TRPM3: variants seen among roughly 807,000 people sequenced by gnomAD.
The protein encoded by TRPM3 is long transient receptor potential channel 3.
TRPM3 carries 77 observed loss-of-function variants against 181.2 expected under a neutral mutation model. The observed-to-expected ratio is 0.42, with a 90% confidence interval of 0.35 to 0.51. The LOEUF is 0.51. Among genes scored for constraint, TRPM3 ranks in the 20% least tolerant of loss-of-function variants. The pLI is 0.01. For missense variants in TRPM3, 1,759 were observed against 2,196.7 expected, an observed-to-expected ratio of 0.80 and a Z score of 3.98; for synonymous variants, 745 against 796.4, an observed-to-expected ratio of 0.94 and a Z score of 1.09.
At chr9:71,200,172 G>C (rs1261704478) in intron 1 of TRPM3, among the ~76,000 whole-genome samples, 2 of 152,072 alleles carry the variant, frequency 1.3e-5, no homozygotes, top group East Asian at 3.8e-4. Context: ...TTTCCATGTA[G>C]TTGAGTGGTT....
At chr9:70,647,155 A>T (rs2133717669) in intron 9 of TRPM3, among the ~76,000 whole-genome samples, 1 of 152,286 alleles carries the variant, frequency 6.6e-6, no homozygotes, top group South Asian at 2.1e-4. Context: ...ATATTCCAAA[A>T]ATTGAAGAGG....
intron 22 of TRPM3, among the ~76,000 whole-genome samples, chr9:70,554,365 C>T (rs912294252): frequency 2.0e-5 from 3 of 152,098 alleles, no homozygotes; most frequent in Non-Finnish European, 2.9e-5. Context: ...GGAGGAGCAC[C>T]AAGAGGTCTC....
chr9:70,821,002 A>G (rs558320208), intron 6 of TRPM3, among the ~76,000 whole-genome samples: 13 of 152,314 alleles, frequency 8.5e-5, no homozygotes, highest in South Asian at 4.1e-4. Context: ...GCAATGTAAT[A>G]TTCATTTTAA....
In TRPM3 at chr9:70,610,593, A is replaced by G; in HGVS notation, c.2667+16T>C. 1 of 1,609,474 alleles carries G rather than the reference A, an allele frequency of 6.2e-7. No homozygotes were observed. The highest frequency in any genetic ancestry group is 1.1e-5 in the South Asian group (1 of 90,564). On this transcript the variant is annotated intron_variant, in intron 19 of 25. Coordinates refer to ENST00000677713, the MANE Select transcript of TRPM3 (RefSeq NM_001366145.2). Reference sequence around the variant, plus strand: ...TGTGGCCATCCACTAGGAAGGAGAAAAGGAAATGTGCTTACTGTGTAGAAC... The same window carrying G: ...TGTGGCCATCCACTAGGAAGGAGAAGAGGAAATGTGCTTACTGTGTAGAAC...
chr9:71,006,158 C>T (rs1337943874), intron 1 of TRPM3, among the ~76,000 whole-genome samples: 1 of 152,020 alleles, frequency 6.6e-6, no homozygotes, highest in Admixed American at 6.6e-5. Flanking sequence ...GTTAGCCCCG[C>T]GTGTTGCCAC....
rs1437484112 is a variant in TRPM3, at chr9:70,536,588, C to T, written c.4525G>A (p.Glu1509Lys). The T allele has an allele frequency of 6.2e-7, 1 of 1,613,908 alleles. No individual in the cohort carries two copies. The highest frequency in any genetic ancestry group is 1.3e-5 in the African/African-American group (1 of 74,892). The change falls in exon 26 of 26, where the codon GAG (glutamate) becomes AAG (lysine). Residue 1509 changes from glutamate (E) to lysine (K), a missense_variant. Coordinates refer to ENST00000677713, the MANE Select transcript of TRPM3 (RefSeq NM_001366145.2). ...AGGTAGCGGCTACTTTTGGAACGCT[C>T]AATGGTGTGGTACATCGGAGGCTCT... ...DSEPPMYHTI[E>K]RSKSSRYLAT...
At chr9:70,888,362 GGTGTGTGTGTGTGTGTGTGTGTGT>G (rs71367235) in intron 1 of TRPM3, among the ~76,000 whole-genome samples, 3 of 143,624 alleles carry the variant, frequency 2.1e-5, no homozygotes, top group African/African-American at 7.8e-5. Context: ...TTTATTTTGG[GGTGTGTGTGTGTGTGTGTGTGTGT>G]GTGTGTGTGT....
At chr9:71,264,437 A>T (rs1388555019) in intron 1 of TRPM3, among the ~76,000 whole-genome samples, 2 of 152,146 alleles carry the variant, frequency 1.3e-5, no homozygotes, top group Non-Finnish European at 2.9e-5. Flanking sequence ...AAGCTGGGGG[A>T]AGGGAGTGAA....
intron 5 of TRPM3, among the ~76,000 whole-genome samples, chr9:70,841,304 C>A (rs867787145): frequency 6.6e-6 from 1 of 151,760 alleles, no homozygotes; most frequent in Non-Finnish European, 1.5e-5. Context: ...TCAATTTGTA[C>A]GTAATATGAA....
At chr9:70,756,847 G>A (rs1450603693) in intron 8 of TRPM3, among the ~76,000 whole-genome samples, 1 of 152,122 alleles carries the variant, frequency 6.6e-6, no homozygotes, top group Non-Finnish European at 1.5e-5. Flanking sequence ...GTGTTTAGAG[G>A]TAAATATGTA....
At chr9:71,133,550 G>A (rs1250826396) in intron 1 of TRPM3, among the ~76,000 whole-genome samples, 3 of 151,824 alleles carry the variant, frequency 2.0e-5, no homozygotes, top group African/African-American at 4.8e-5. Flanking sequence ...CGCCTGCCTC[G>A]GCCTCCCAAG....
chr9:70,532,816 A>T lies in TRPM3; in HGVS notation c.*3137T>A, dbSNP rs1309928193. 6.6e-6 allele frequency: 1 copy of T among 152,210 alleles called. No homozygotes were observed. Among genetic ancestry groups the T allele is most frequent in the Admixed American group, 6.5e-5 (1 of 15,272 alleles). 9.4% of individuals were successfully genotyped at this position (152,210 alleles called of 1,614,324 possible). On this transcript the variant is annotated 3_prime_UTR_variant, in exon 26 of 26. Coordinates refer to ENST00000677713, the MANE Select transcript of TRPM3 (RefSeq NM_001366145.2). ...CTCATAAACTGCTTAATTCACAAAG[A>T]CAGGTAATTAACGTCCCCTCGATCA...
intron 1 of TRPM3, among the ~76,000 whole-genome samples, chr9:71,430,050 G>A (rs2131602127): frequency 6.6e-6 from 1 of 152,052 alleles, no homozygotes; most frequent in African/African-American, 2.4e-5. Flanking sequence ...CTATCTCCCT[G>A]TCTTGCTTTA....
rs779473260 is a variant in TRPM3, at chr9:70,537,254, G to C, written c.3859C>G (p.Arg1287Gly). 5.0e-6 allele frequency: 8 copies of C among 1,590,722 alleles called. No homozygotes were observed. In the Admixed American group the frequency reaches 8.6e-5, roughly 17 times the overall value. ...GAGCGGATTTTGTTGGACTCGGCCC[G>C]CTCCAGACCTGTCAGGCGCTCCAGG... ...TALERLTGLE[R>G]AESNKIRSRT... The change falls in exon 26 of 26, where the codon CGG (arginine) becomes GGG (glycine). Residue 1287 changes from arginine to glycine, a missense_variant. Coordinates refer to ENST00000677713, the MANE Select transcript of TRPM3 (RefSeq NM_001366145.2).
intron 7 of TRPM3, among the ~76,000 whole-genome samples, chr9:70,766,371 G>A (rs1429695022): frequency 6.6e-6 from 1 of 152,138 alleles, no homozygotes; most frequent in East Asian, 1.9e-4. Flanking sequence ...ATTAGGAAAT[G>A]CATTTAGAAT....
At chr9:71,163,339 TAGGTAGGTAG>T (rs2076370509) in intron 1 of TRPM3, among the ~76,000 whole-genome samples, 1 of 55,086 alleles carries the variant, frequency 1.8e-5, no homozygotes, top group Non-Finnish European at 4.2e-5. Context: ...TATAGGTAGG[TAGGTAGGTAG>T]GTAGGTAGAT....
At chr9:71,183,280 C>T (rs1288908812) in intron 1 of TRPM3, among the ~76,000 whole-genome samples, 1 of 152,124 alleles carries the variant, frequency 6.6e-6, no homozygotes, top group African/African-American at 2.4e-5. Context: ...TCACCACTAC[C>T]TGTTCGTCTC....
rs11285828 is a variant in TRPM3, at chr9:70,631,361, C to CTT, written c.1632+3848_1632+3849dup. ...CTTACCCAAAGTGTGTCTGAAATGC[C>CTT]TTTTTTTTTTTTTTTTTTTATTCTG... is the stretch of plus-strand genomic sequence containing the variant. On this transcript the variant is annotated intron_variant, in intron 12 of 25. Transcript: ENST00000677713. Among the ~76,000 whole-genome samples, 869 of 136,830 alleles carry CTT rather than the reference C, an allele frequency of 6.4e-3. 7 individuals are homozygous for CTT. Among genetic ancestry groups the CTT allele is most frequent in the African/African-American group, 0.022 (808 of 37,256 alleles). 89.8% of individuals were successfully genotyped at this position (136,830 alleles called of 152,430 possible). A position where few individuals can be genotyped will look rare whatever the true frequency, so the allele number is the denominator to read the frequency against.
chr9:70,866,262 C>T (rs987283403), intron 1 of TRPM3, among the ~76,000 whole-genome samples: 8 of 151,974 alleles, frequency 5.3e-5, no homozygotes, highest in African/African-American at 1.7e-4. Flanking sequence ...ATTTACTTTC[C>T]TTCTCTTTTT....
Sources: allele counts gnomAD v4.1 joint callset (sites outside exome capture counted in the v4.1 genomes callset), GRCh38; gene constraint gnomAD v4.1.1; transcripts MANE v1.5; gene names NCBI Gene and HGNC (gene_info 2026-07-23, HGNC 2026-07-21).